The following TLE1 variants were observed in gnomAD, a reference collection of about 807,000 sequenced individuals.
TLE1 encodes the protein transducin-like enhancer protein 1.
TLE1 carries 21 observed loss-of-function variants against 89.8 expected under a neutral mutation model. That is an observed-to-expected ratio of 0.23 (90% CI 0.17 to 0.34). The LOEUF (loss-of-function observed/expected upper bound fraction) is 0.34, where lower values mean the gene tolerates loss of function less well. Among genes scored for constraint, TLE1 ranks in the 10% least tolerant of loss-of-function variants. The probability of loss-of-function intolerance (pLI) is 1.00; values close to 1 mark genes in which losing one functional copy is unlikely to be tolerated. For synonymous variants in TLE1, 447 were observed against 407.6 expected (o/e 1.10, Z -1.16); for missense variants, 795 against 1,031.2 (o/e 0.77, Z 3.14).
intron 8 of TLE1, among the ~76,000 whole-genome samples, chr9:81,631,585 C>G (rs1826612502): frequency 6.6e-6 from 1 of 152,140 alleles, no homozygotes. Context: ...GATGCGTGTC[C>G]CATAATGCCT....
At chr9:81,615,634 A>T (rs1824392170) in intron 11 of TLE1, among the ~76,000 whole-genome samples, 1 of 150,046 alleles carries the variant, frequency 6.7e-6, no homozygotes, top group Non-Finnish European at 1.5e-5. Flanking sequence ...AATCGCTTGA[A>T]CCCAGGAGGC....
At chr9:81,626,978 T>C (rs1825981095) in intron 8 of TLE1, among the ~76,000 whole-genome samples, 1 of 152,232 alleles carries the variant, frequency 6.6e-6, no homozygotes, top group African/African-American at 2.4e-5. Flanking sequence ...AAAGCTTTTT[T>C]GAAAGCATGG....
intron 4 of TLE1, among the ~76,000 whole-genome samples, chr9:81,664,859 T>G (rs1375783130): frequency 1.3e-5 from 2 of 152,012 alleles, no homozygotes; most frequent in Non-Finnish European, 2.9e-5. Context: ...CCTGTTGGAG[T>G]CTAGGCCTGA....
chr9:81,584,451 G>T lies in TLE1; in HGVS notation c.2202C>A (p.Phe734Leu). The change falls in exon 19 of 20, where the codon TTC becomes TTA. Residue 734 changes from phenylalanine (F) to leucine (L), a missense_variant. Phe to Leu is a conservative substitution (Grantham distance 22). This residue lies in a region of TLE1 where 214 missense variants were observed against 354.9 expected (regional missense o/e 0.60). Coordinates refer to ENST00000376499, the MANE Select transcript of TLE1 (RefSeq NM_005077.5). ...AWRTPYGASI[F>L]QSKESSSVLS... Reference sequence around the variant, plus strand: ...TAGGTGAGGAGTACTTACTCACCTGGAATATGCTGGCTCCATAGGGGGTCC... The same window carrying T: ...TAGGTGAGGAGTACTTACTCACCTGTAATATGCTGGCTCCATAGGGGGTCC... The T allele has an allele frequency of 6.2e-7, 1 of 1,614,104 alleles. No individual in the cohort carries two copies.
At chr9:81,656,542 G>A (rs1463968287) in intron 4 of TLE1, among the ~76,000 whole-genome samples, 2 of 152,136 alleles carry the variant, frequency 1.3e-5, no homozygotes, top group African/African-American at 4.8e-5. Context: ...ATCATCCAAG[G>A]ATAAGCATGG....
rs558387344 is a variant in TLE1 at position 81,641,949 on chromosome 9, G to A, written c.373-7648C>T. On this transcript the variant is annotated intron_variant, in intron 6 of 19. Coordinates refer to ENST00000376499, the MANE Select transcript of TLE1 (RefSeq NM_005077.5). ...AGGCAGGAGAATTGCTTGAACCTGG[G>A]AGGCAGAGGTTGCAGTAAGCGGAGA... 7.2e-5 allele frequency among the ~76,000 whole-genome samples: 11 copies of A among 152,296 alleles called. No homozygotes were observed. The East Asian group carries it at 2.1e-3, about 29-fold the overall frequency.
At chr9:81,592,940 G>C in intron 15 of TLE1, 85 bp downstream of exon 15, 1 of 1,520,416 alleles carries the variant, frequency 6.6e-7, no homozygotes, top group East Asian at 2.3e-5. Flanking sequence ...CTCATAATGG[G>C]AATAAAACCC....
In TLE1 at chr9:81,643,245, T is replaced by G. The variant is rs12555310; in HGVS notation, c.373-8944A>C. ...GGTGTGTTTGTTTTTTGTTTTTTGG[T>G]TTTTTTTTTTGACAGAGTTTCGCTC... On this transcript the variant is annotated intron_variant, in intron 6 of 19. Transcript: ENST00000376499. 2.3e-3 allele frequency among the ~76,000 whole-genome samples: 206 copies of G among 90,820 alleles called. 3 individuals carry two copies. In the South Asian group the frequency reaches 0.067, roughly 29 times the overall value. 59.6% of individuals were successfully genotyped at this position (90,820 alleles called of 152,430 possible).
chr9:81,643,833 G>A (rs999543439), intron 6 of TLE1, among the ~76,000 whole-genome samples: 6 of 152,128 alleles, frequency 3.9e-5, no homozygotes, highest in Non-Finnish European at 5.9e-5. Context: ...ACCATGCCTG[G>A]CCTGTCTTTA....
chr9:81,645,941 T>C lies in TLE1; in HGVS notation c.372+6273A>G, dbSNP rs1157810270. 2.6e-5 allele frequency among the ~76,000 whole-genome samples: 4 copies of C among 152,248 alleles called. No homozygotes were observed. The East Asian group carries it at 7.7e-4, about 29-fold the overall frequency. On this transcript the variant is annotated intron_variant, in intron 6 of 19. Coordinates refer to ENST00000376499, the MANE Select transcript of TLE1 (RefSeq NM_005077.5). ...TAACTCCTATAATGGGGTACTCTAT[T>C]TTCTATTCTGAAGCTTTTTTCTCCT... is the stretch of plus-strand genomic sequence containing the variant.
At chr9:81,628,805 A>G (rs919714782) in intron 8 of TLE1, among the ~76,000 whole-genome samples, 2 of 152,274 alleles carry the variant, frequency 1.3e-5, no homozygotes, top group East Asian at 3.9e-4. Flanking sequence ...TGATAAAACC[A>G]TGGTGCTGTG....
At chr9:81,597,044 T>C (rs1830313649) in intron 14 of TLE1, among the ~76,000 whole-genome samples, 1 of 152,208 alleles carries the variant, frequency 6.6e-6, no homozygotes, top group Admixed American at 6.5e-5. Flanking sequence ...TGCTGTTAAA[T>C]GAACCTCTCT....
intron 4 of TLE1, among the ~76,000 whole-genome samples, chr9:81,662,361 TTGTGTGTGTG>T (rs371936084): frequency 0.19 from 26,733 of 138,382 alleles, 2,787 homozygotes; most frequent in East Asian, 0.37. Context: ...TGTGCCTGTT[TTGTGTGTGTG>T]TGTGTGTGTG....
intron 9 of TLE1, among the ~76,000 whole-genome samples, chr9:81,620,213 A>G (rs1825058638): frequency 6.6e-6 from 1 of 152,194 alleles, no homozygotes. Context: ...GCATTTTCAT[A>G]TTCCCTTTTG....
chr9:81,636,613 C>G (rs1312018215), intron 6 of TLE1, among the ~76,000 whole-genome samples: 1 of 152,058 alleles, frequency 6.6e-6, no homozygotes, highest in African/African-American at 2.4e-5. Context: ...TCCCCCACTC[C>G]CCTAAAAATC....
chr9:81,598,189 T>C (rs1400453180), intron 14 of TLE1, among the ~76,000 whole-genome samples: 1 of 152,160 alleles, frequency 6.6e-6, no homozygotes, highest in East Asian at 1.9e-4. Context: ...CATGAAGCCC[T>C]TTACAATTTA....
In TLE1 at chr9:81,593,217, G is replaced by A. The variant is rs373201668; in HGVS notation, c.1389C>T (p.Pro463=). 21 of 1,613,924 alleles carry A rather than the reference G, an allele frequency of 1.3e-5. No individual in the cohort carries two copies. Among genetic ancestry groups the A allele is most frequent in the South Asian group, 2.2e-5 (2 of 91,062 alleles). Reference sequence around the variant, plus strand: ...GGATTCCGGGTCCGATGAGGGCGTCGGGGGGAAAAGGGACAGGCTGCATCT... The same window carrying A: ...GGATTCCGGGTCCGATGAGGGCGTCAGGGGGAAAAGGGACAGGCTGCATCT... The part of the protein sequence containing the change: ...DGQMQPVPFP[P]DALIGPGIPR... Residue 463 remains proline, a synonymous_variant, in exon 15 of 20, where the codon CCC becomes CCT. Transcript: ENST00000376499.
At chr9:81,647,823 C>A (rs1829044859) in intron 6 of TLE1, among the ~76,000 whole-genome samples, 4 of 152,158 alleles carry the variant, frequency 2.6e-5, no homozygotes, top group Admixed American at 2.6e-4. Context: ...TCCAAGGCAA[C>A]ACAATGTAAA....
At chr9:81,688,113 C>G (rs1021392219) in intron 1 of TLE1, 104 bp downstream of exon 1, 4 of 1,452,098 alleles carry the variant, frequency 2.8e-6, no homozygotes, top group Admixed American at 1.9e-5. Flanking sequence ...CCGCTGAGGG[C>G]GAGAAGGTCC....
Sources: gnomAD v4.1 joint callset for allele counts (sites outside exome capture counted in the v4.1 genomes callset) on GRCh38, gnomAD v4.1.1 for gene constraint, gnomAD v4.1.1 regional missense constraint, MANE v1.5 for transcripts, NCBI Gene and HGNC (gene_info 2026-07-23, HGNC 2026-07-21) for gene names.